Variants in LRIG3 observed in about 807,000 individuals in gnomAD.
LRIG3 encodes the protein leucine rich repeats and immunoglobulin like domains 3.
LRIG3 carries 76 observed loss-of-function variants against 114.5 expected under a neutral mutation model. The ratio of observed to expected loss-of-function variants is 0.66; its 90% confidence interval spans 0.55 to 0.80. The LOEUF is 0.80. Ranked by LOEUF, LRIG3 falls within the 30% of genes least tolerant of loss-of-function variation. LRIG3 has a pLI of 0.00. For missense variants in LRIG3, 1,239 were observed against 1,382.8 expected (o/e 0.90, Z 1.65); for synonymous variants, 512 against 519.8 (o/e 0.98, Z 0.20).
rs1422959954 is a variant in LRIG3, at chr12:58,890,469, ATG to A, written c.515+194_515+195del. Among the ~76,000 whole-genome samples the A allele has an allele frequency of 3.3e-5, 5 of 152,208 alleles. No homozygotes were observed. In the East Asian group the frequency reaches 7.7e-4, roughly 23 times the overall value. On this transcript the variant is annotated intron_variant, in intron 4 of 18. Coordinates refer to ENST00000320743, the MANE Select transcript of LRIG3 (RefSeq NM_153377.5). ...CCATCTAGGTTTTCTAATAAAAAAT[ATG>A]TAATTTTTTGTAATCTAAAAGTGTA... is the stretch of plus-strand genomic sequence containing the variant.
At position 58,906,951 on chromosome 12, in the gene LRIG3, TAA is replaced by T. The variant is rs77233148; in HGVS notation, c.383+7029_383+7030del. On this transcript the variant is annotated intron_variant, in intron 3 of 18. Transcript: ENST00000320743. ...ACTGTAGTCATTTTATTCCCCTGCT[TAA>T]AAAAAAAAAAAAAAGTCTTCAATGA... Among the ~76,000 whole-genome samples, 216 of 132,620 alleles carry T rather than the reference TAA, an allele frequency of 1.6e-3. 1 individual carries two copies. Among genetic ancestry groups the T allele is most frequent in the African/African-American group, 5.1e-3 (183 of 36,174 alleles). 87.0% of individuals were successfully genotyped at this position (132,620 alleles called of 152,430 possible). A position where few individuals can be genotyped will look rare whatever the true frequency, so the allele number is the denominator to read the frequency against.
chr12:58,914,064 T>C lies in LRIG3; in HGVS notation c.309-8A>G. ...TCATTGTTGTTCAGTTTCCTACAAA[T>C]GCCAAAAAAAAAAAGAAAAAGAAAA... is the stretch of plus-strand genomic sequence containing the variant. On this transcript the variant is annotated splice_region_variant and splice_polypyrimidine_tract_variant and intron_variant, in intron 2 of 18. Transcript: ENST00000320743. The C allele has an allele frequency of 6.3e-7, 1 of 1,585,540 alleles. No individual in the cohort carries two copies. Among genetic ancestry groups the C allele is most frequent in the South Asian group, 1.2e-5 (1 of 86,152 alleles).
chr12:58,911,802 T>C (rs987324469), intron 3 of LRIG3, among the ~76,000 whole-genome samples: 10 of 152,166 alleles, frequency 6.6e-5, no homozygotes, highest in African/African-American at 2.4e-4. Flanking sequence ...TATATTACAA[T>C]ATCCAATCAA....
rs1870859288 is a variant in LRIG3 at position 58,874,707 on chromosome 12, T to C, written c.2696-134A>G. On this transcript the variant is annotated intron_variant, in intron 16 of 18. Transcript: ENST00000320743. ...CATATAGACAAAAAAATTGCAAAAA[T>C]TTACAGTAGGGTTTTAAAAAATTTA... is the stretch of plus-strand genomic sequence containing the variant. The C allele has an allele frequency of 4.5e-6, 5 of 1,123,006 alleles. No individual in the cohort carries two copies. The South Asian group carries it at 7.9e-5, about 18-fold the overall frequency. 69.6% of individuals were successfully genotyped at this position (1,123,006 alleles called of 1,614,324 possible). A position where few individuals can be genotyped will look rare whatever the true frequency, so the allele number is the denominator to read the frequency against.
rs376480969 is a variant in LRIG3, at chr12:58,902,407, C to A, written c.383+11575G>T. Among the ~76,000 whole-genome samples, 3 of 152,120 alleles carry A rather than the reference C, an allele frequency of 2.0e-5. No homozygotes were observed. The East Asian group carries it at 5.8e-4, about 29-fold the overall frequency. ...TTTATCCTACCCTGTATGGTACCTGCAGCATGAATGTTACCTTAATATTTC... is the reference window on the plus strand; with the variant it reads ...TTTATCCTACCCTGTATGGTACCTGAAGCATGAATGTTACCTTAATATTTC... On this transcript the variant is annotated intron_variant, in intron 3 of 18. Transcript: ENST00000320743.
At chr12:58,913,872 G>GAAAA in intron 3 of LRIG3, 110 bp downstream of exon 3, 1 of 943,026 alleles carries the variant, frequency 1.1e-6, no homozygotes, top group Non-Finnish European at 1.6e-6. Context: ...ACTATGCCCT[G>GAAAA]AAAAAAATAT....
intron 13 of LRIG3, among the ~76,000 whole-genome samples, chr12:58,879,455 C>T (rs1341745603): frequency 6.6e-6 from 1 of 152,138 alleles, no homozygotes; most frequent in Non-Finnish European, 1.5e-5. Context: ...TGACCACTCA[C>T]TTCATCTATT....
chr12:58,875,066 G>A (rs961329746), intron 16 of LRIG3, among the ~76,000 whole-genome samples: 3 of 152,192 alleles, frequency 2.0e-5, no homozygotes, highest in Non-Finnish European at 2.9e-5. Flanking sequence ...GAGATGTCAC[G>A]ATGACGCATG....
chr12:58,913,789 G>A (rs910441774), intron 3 of LRIG3, 193 bp downstream of exon 3: 29 of 554,834 alleles, frequency 5.2e-5, no homozygotes, highest in Non-Finnish European at 7.9e-5. Context: ...GTTGTTATAA[G>A]AATACATGAA....
At chr12:58,917,509 G>A (rs561466449) in intron 1 of LRIG3, among the ~76,000 whole-genome samples, 15 of 152,062 alleles carry the variant, frequency 9.9e-5, no homozygotes, top group Non-Finnish European at 2.2e-4. Flanking sequence ...TACTCTTTAA[G>A]AGCCACTTTC....
At position 58,890,167 on chromosome 12, in the gene LRIG3, C is replaced by T. The variant is rs781701535; in HGVS notation, c.516-28G>A. ...GTTGAAAGTTTAAAGATGAGCTTCTCCTTCTGATTTATTTGCAAGTTAAAG... is the reference window on the plus strand; with the variant it reads ...GTTGAAAGTTTAAAGATGAGCTTCTTCTTCTGATTTATTTGCAAGTTAAAG... On this transcript the variant is annotated intron_variant, in intron 4 of 18. Coordinates refer to ENST00000320743, the MANE Select transcript of LRIG3 (RefSeq NM_153377.5). 1.9e-5 allele frequency: 30 copies of T among 1,607,280 alleles called. No individual in the cohort carries two copies. The East Asian group carries it at 5.8e-4, about 31-fold the overall frequency.
intron 3 of LRIG3, among the ~76,000 whole-genome samples, chr12:58,911,905 T>A (rs1872291422): frequency 6.6e-6 from 1 of 152,230 alleles, no homozygotes; most frequent in African/African-American, 2.4e-5. Flanking sequence ...AAGTTTTTAC[T>A]CTCCACATTG....
At chr12:58,898,046 G>A (rs1481006449) in intron 3 of LRIG3, among the ~76,000 whole-genome samples, 1 of 152,178 alleles carries the variant, frequency 6.6e-6, no homozygotes, top group Non-Finnish European at 1.5e-5. Context: ...GCTGTAGATT[G>A]CACCATAAGG....
intron 3 of LRIG3, among the ~76,000 whole-genome samples, chr12:58,895,527 G>A (rs1871609556): frequency 6.6e-6 from 1 of 152,190 alleles, no homozygotes; most frequent in Non-Finnish European, 1.5e-5. Flanking sequence ...AGAGTGCACG[G>A]GTGGAGAGTG....
intron 14 of LRIG3, among the ~76,000 whole-genome samples, chr12:58,878,370 TA>T (rs1474427494): frequency 6.6e-6 from 1 of 152,180 alleles, no homozygotes; most frequent in Non-Finnish European, 1.5e-5. Flanking sequence ...TTTACATTTT[TA>T]AAAAGCATTT....
chr12:58,893,382 T>C (rs1164331909), intron 3 of LRIG3, among the ~76,000 whole-genome samples: 4 of 152,196 alleles, frequency 2.6e-5, no homozygotes, highest in African/African-American at 9.7e-5. Context: ...AGCTGAACTT[T>C]ATGATAATAG....
chr12:58,910,205 G>T (rs770610088), intron 3 of LRIG3, among the ~76,000 whole-genome samples: 3 of 152,196 alleles, frequency 2.0e-5, no homozygotes, highest in Non-Finnish European at 2.9e-5. Context: ...AGTAATTCTA[G>T]AAATATTTAT....
At chr12:58,913,374 C>T (rs184938307) in intron 3 of LRIG3, 81 of 152,268 alleles carry the variant, frequency 5.3e-4, no homozygotes, top group African/African-American at 1.8e-3. Context: ...GTATATACAA[C>T]GTTACCTACA....
rs17533647 is a variant in LRIG3, at chr12:58,888,920, T to C, written c.702A>G (p.Thr234=). Residue 234 remains threonine (T), a synonymous_variant, in exon 6 of 19, where the codon ACA becomes ACG. Transcript: ENST00000320743. ...RNKIKNVDGL[T]FQGLGALKSL... is the part of the protein sequence containing the mutation. ...ACTTCAGAGCACCAAGGCCTTGGAA[T>C]GTCAGTCCATCTACATTTTTAATCT... The C allele has an allele frequency of 0.11, 169,753 of 1,613,566 alleles. 9,645 individuals are homozygous for C. Among genetic ancestry groups the C allele is most frequent in the Non-Finnish European group, 0.11 (134,973 of 1,179,638 alleles).
Sources: allele counts gnomAD v4.1 joint callset (sites outside exome capture counted in the v4.1 genomes callset), GRCh38; gene constraint gnomAD v4.1.1; transcripts MANE v1.5; gene names NCBI Gene and HGNC (gene_info 2026-07-23, HGNC 2026-07-21).